The following PTPRD variants were observed in gnomAD, a reference collection of about 807,000 sequenced individuals.
PTPRD encodes the protein receptor-type tyrosine-protein phosphatase delta.
In PTPRD, 34 loss-of-function variants were observed where a neutral mutation model predicts 214.5. The observed-to-expected ratio is 0.16, with a 90% CI of 0.12 to 0.21. The LOEUF (loss-of-function observed/expected upper bound fraction) is 0.21. Among genes scored for constraint, PTPRD ranks in the 10% least tolerant of loss-of-function variants. The probability of loss-of-function intolerance (pLI) is 1.00; values close to 1 mark genes in which losing one functional copy is unlikely to be tolerated. For synonymous variants in PTPRD, 1,128 were observed against 845.7 expected (o/e 1.33, Z -5.79); for missense variants, 2,545 against 2,398.7 (o/e 1.06, Z -1.27).
intron 11 of PTPRD, among the ~76,000 whole-genome samples, chr9:8,739,634 G>C (rs909401877): frequency 5.9e-5 from 9 of 152,128 alleles, no homozygotes; most frequent in African/African-American, 2.2e-4. Flanking sequence ...CGTAGTCCTT[G>C]GCTTCCCAAT....
At chr9:9,214,182 G>C (rs1430434142) in intron 9 of PTPRD, among the ~76,000 whole-genome samples, 1 of 152,138 alleles carries the variant, frequency 6.6e-6, no homozygotes, top group African/African-American at 2.4e-5. Context: ...ATGGACATCA[G>C]GCCTGCTCCA....
At chr9:8,686,834 TA>T (rs2097690606) in intron 12 of PTPRD, among the ~76,000 whole-genome samples, 1 of 152,242 alleles carries the variant, frequency 6.6e-6, no homozygotes, top group South Asian at 2.1e-4. Flanking sequence ...AGGCATGGGT[TA>T]AAAGTTGAAA....
intron 3 of PTPRD, among the ~76,000 whole-genome samples, chr9:10,073,949 A>G (rs1011480996): frequency 2.6e-5 from 4 of 152,172 alleles, no homozygotes; most frequent in Non-Finnish European, 5.9e-5. Context: ...CAGCATAGCT[A>G]GAAAATTGAA....
At chr9:10,506,906 G>C (rs1215668041) in intron 2 of PTPRD, among the ~76,000 whole-genome samples, 1 of 151,886 alleles carries the variant, frequency 6.6e-6, no homozygotes, top group East Asian at 1.9e-4. Flanking sequence ...CATTAAATTG[G>C]GGGCATATAT....
chr9:9,433,845 C>T (rs2084158758), intron 8 of PTPRD, among the ~76,000 whole-genome samples: 1 of 152,126 alleles, frequency 6.6e-6, no homozygotes, highest in Non-Finnish European at 1.5e-5. Flanking sequence ...ATTTTAGTGT[C>T]AAATAAAGTT....
chr9:9,966,309 A>T (rs568181540), intron 4 of PTPRD, among the ~76,000 whole-genome samples: 1 of 152,284 alleles, frequency 6.6e-6, no homozygotes, highest in East Asian at 1.9e-4. Context: ...ACATTTACTA[A>T]AATCTTCAGA....
intron 14 of PTPRD, among the ~76,000 whole-genome samples, chr9:8,603,025 C>A (rs547124416): frequency 6.6e-6 from 1 of 152,282 alleles, no homozygotes; most frequent in East Asian, 1.9e-4. Flanking sequence ...AATATAGCAA[C>A]TAAACCTGTC....
rs1372752329 is a variant in PTPRD, at chr9:8,353,854, ATG to A, written c.4662-11878_4662-11877del. On this transcript the variant is annotated intron_variant, in intron 39 of 45. Transcript: ENST00000381196. Reference sequence around the variant, plus strand: ...TATGTATATATGTATATATGTATATATGTGTATATATGTATATATGTATATAT... The same window carrying A: ...TATGTATATATGTATATATGTATATATGTATATATGTATATATGTATATAT... Among the ~76,000 whole-genome samples, 24 of 140,350 alleles carry A rather than the reference ATG, an allele frequency of 1.7e-4. 1 individual carries two copies. The highest frequency in any genetic ancestry group is 5.2e-4 in the African/African-American group (20 of 38,674). 92.1% of individuals were successfully genotyped at this position (140,350 alleles called of 152,430 possible).
At chr9:8,338,090 G>C (rs541432728) in intron 43 of PTPRD, among the ~76,000 whole-genome samples, 1 of 152,174 alleles carries the variant, frequency 6.6e-6, no homozygotes, top group African/African-American at 2.4e-5. Flanking sequence ...CCAAACCTAA[G>C]TTTGGAGAAA....
rs146351415 is a variant in PTPRD, at chr9:9,881,670, G to C, written c.-368+56837C>G. On this transcript the variant is annotated intron_variant, in intron 5 of 45. Coordinates refer to ENST00000381196, the MANE Select transcript of PTPRD (RefSeq NM_002839.4). ...TTTATGAACCCTGGTATGATAGATTGGTTGTATTAAGGTGCCACTTTACCG... is the reference window on the plus strand; with the variant it reads ...TTTATGAACCCTGGTATGATAGATTCGTTGTATTAAGGTGCCACTTTACCG... Among the ~76,000 whole-genome samples, 187 of 152,200 alleles carry C rather than the reference G, an allele frequency of 1.2e-3. 1 individual carries two copies. Among genetic ancestry groups the C allele is most frequent in the African/African-American group, 4.5e-3 (185 of 41,522 alleles).
At chr9:9,407,352 G>A (rs1381189971) in intron 8 of PTPRD, among the ~76,000 whole-genome samples, 1 of 151,504 alleles carries the variant, frequency 6.6e-6, no homozygotes, top group Non-Finnish European at 1.5e-5. Context: ...TGACATTTAG[G>A]TTGTTTCTAC....
At chr9:9,118,306 C>T (rs1411379152) in intron 10 of PTPRD, among the ~76,000 whole-genome samples, 1 of 152,128 alleles carries the variant, frequency 6.6e-6, no homozygotes, top group Admixed American at 6.5e-5. Flanking sequence ...TAAGCTTGAT[C>T]CCAAACCTGT....
chr9:8,945,391 A>G (rs1310691946), intron 11 of PTPRD, among the ~76,000 whole-genome samples: 1 of 152,016 alleles, frequency 6.6e-6, no homozygotes, highest in Non-Finnish European at 1.5e-5. Flanking sequence ...AGACTTGTTC[A>G]TCTTTTCACT....
At chr9:9,820,219 G>A (rs920436941) in intron 5 of PTPRD, among the ~76,000 whole-genome samples, 3 of 152,030 alleles carry the variant, frequency 2.0e-5, no homozygotes, top group African/African-American at 7.2e-5. Context: ...GTTTTCATTT[G>A]CAGTTCTCTG....
At chr9:9,363,830 C>G (rs182751011) in intron 9 of PTPRD, among the ~76,000 whole-genome samples, 1 of 151,308 alleles carries the variant, frequency 6.6e-6, no homozygotes, top group Non-Finnish European at 1.5e-5. Context: ...AACTAAGGTC[C>G]AGCGACAGTA....
intron 2 of PTPRD, among the ~76,000 whole-genome samples, chr9:10,368,572 C>A (rs1465419567): frequency 6.6e-6 from 1 of 151,922 alleles, no homozygotes; most frequent in Non-Finnish European, 1.5e-5. Flanking sequence ...ATGCAGGATA[C>A]AGAAATATTA....
intron 9 of PTPRD, among the ~76,000 whole-genome samples, chr9:9,356,720 C>T (rs2053936354): frequency 1.3e-5 from 2 of 151,266 alleles, no homozygotes. Flanking sequence ...TTTCAAGTAC[C>T]ACTGACTAGT....
At chr9:9,851,377 T>C (rs2060515984) in intron 5 of PTPRD, among the ~76,000 whole-genome samples, 1 of 152,184 alleles carries the variant, frequency 6.6e-6, no homozygotes, top group African/African-American at 2.4e-5. Flanking sequence ...GTTATATCTG[T>C]TCCATTGAGT....
At chr9:8,497,000 C>T (rs1279278699) in intron 26 of PTPRD, among the ~76,000 whole-genome samples, 1 of 152,160 alleles carries the variant, frequency 6.6e-6, no homozygotes, top group Non-Finnish European at 1.5e-5. Context: ...GAGTTAGTAG[C>T]AGCCATCAAA....
Sources: gnomAD v4.1 joint callset for allele counts (sites outside exome capture counted in the v4.1 genomes callset) on GRCh38, gnomAD v4.1.1 for gene constraint, MANE v1.5 for transcripts, NCBI Gene and HGNC (gene_info 2026-07-23, HGNC 2026-07-21) for gene names.